The following COL28A1 variants were observed in gnomAD, a reference collection of about 807,000 sequenced individuals.
COL28A1 encodes collagen type XXVIII alpha 1 chain, also known as collagen alpha-1(XXVIII) chain.
A neutral mutation model predicts 150.2 loss-of-function variants in COL28A1; 161 were observed. The ratio of observed to expected loss-of-function variants is 1.07; its 90% CI spans 0.94 to 1.22. COL28A1 has a LOEUF of 1.22. Ranked by LOEUF, COL28A1 falls within the 50% of genes most tolerant of loss-of-function variation. The probability of loss-of-function intolerance (pLI) is 0.00; values close to 1 mark genes in which losing one functional copy is unlikely to be tolerated. For missense variants in COL28A1, 1,617 were observed against 1,388.3 expected, an observed-to-expected ratio of 1.16 and a Z score of -2.62; for synonymous variants, 552 against 469.7, an observed-to-expected ratio of 1.18 and a Z score of -2.26.
At position 7,484,261 on chromosome 7, in the gene COL28A1, C is replaced by T. The variant is rs181995787; in HGVS notation, c.1164+5128G>A. Among the ~76,000 whole-genome samples the T allele has an allele frequency of 2.1e-3, 313 of 151,946 alleles. 3 individuals carry two copies. Among genetic ancestry groups the T allele is most frequent in the Non-Finnish European group, 3.9e-3 (266 of 67,904 alleles). ...TATAAACAGACTAAAGACATGGAAA[C>T]AGAAACCATGGTTGCCAGCAGACAA... is the stretch of plus-strand genomic sequence containing the variant. On this transcript the variant is annotated intron_variant, in intron 13 of 34. Coordinates refer to ENST00000399429, the MANE Select transcript of COL28A1 (RefSeq NM_001037763.3).
intron 15 of COL28A1, among the ~76,000 whole-genome samples, chr7:7,472,591 A>G (rs1465421953): frequency 6.6e-6 from 1 of 152,216 alleles, no homozygotes; most frequent in African/African-American, 2.4e-5. Context: ...GACAATGACC[A>G]TACTGCCAAA....
rs1325433658 is a variant in COL28A1, at chr7:7,360,532, C to T, written c.3067-4G>A. 1 of 1,590,624 alleles carries T rather than the reference C, an allele frequency of 6.3e-7. No homozygotes were observed. Among genetic ancestry groups the T allele is most frequent in the African/African-American group, 1.4e-5 (1 of 73,414 alleles). On this transcript the variant is annotated splice_region_variant and splice_polypyrimidine_tract_variant and intron_variant, in intron 33 of 34. Coordinates refer to ENST00000399429, the MANE Select transcript of COL28A1 (RefSeq NM_001037763.3). The stretch of plus-strand genomic sequence containing the variant: ...CCTGGTCTCTGGTGACACTCAACTA[C>T]ACAAAAATATTCACATTTTGTGTTT...
the COL28A1 span, among the ~76,000 whole-genome samples, chr7:7,343,625 C>T: frequency 6.6e-6 from 1 of 152,006 alleles, no homozygotes; most frequent in Non-Finnish European, 1.5e-5. Context: ...TATGTGAGTA[C>T]GTCCATTCCA....
At chr7:7,481,664 C>T (rs1409158896) in intron 13 of COL28A1, among the ~76,000 whole-genome samples, 1 of 152,138 alleles carries the variant, frequency 6.6e-6, no homozygotes, top group African/African-American at 2.4e-5. Flanking sequence ...TTATCTGAGA[C>T]ATTAACGATG....
intron 25 of COL28A1, among the ~76,000 whole-genome samples, chr7:7,429,672 A>G (rs1029835840): frequency 6.6e-6 from 1 of 152,166 alleles, no homozygotes; most frequent in Admixed American, 6.5e-5. Context: ...AGACCAGCTC[A>G]CCCTCCTAAC....
intron 1 of COL28A1, among the ~76,000 whole-genome samples, chr7:7,533,629 C>G (rs559275651): frequency 6.6e-6 from 1 of 152,204 alleles, no homozygotes; most frequent in South Asian, 2.1e-4. Context: ...AGAAACGGGA[C>G]TTAAAGCCAA....
chr7:7,421,403 T>A (rs2128308737), intron 25 of COL28A1, among the ~76,000 whole-genome samples: 1 of 152,244 alleles, frequency 6.6e-6, no homozygotes, highest in East Asian at 1.9e-4. Context: ...AGTAGCAAAT[T>A]TACTTAAAGA....
chr7:7,448,527 T>G (rs1786444392), intron 18 of COL28A1, among the ~76,000 whole-genome samples: 1 of 151,766 alleles, frequency 6.6e-6, no homozygotes, highest in Admixed American at 6.6e-5. Flanking sequence ...AATACCTACC[T>G]TCTGACCTAG....
At chr7:7,435,770 C>A (rs993339793) in intron 23 of COL28A1, among the ~76,000 whole-genome samples, 1 of 152,120 alleles carries the variant, frequency 6.6e-6, no homozygotes, top group Non-Finnish European at 1.5e-5. Flanking sequence ...TTCAAAGCTA[C>A]GTAACAACAT....
At position 7,443,519 on chromosome 7, in the gene COL28A1, T is replaced by G. The variant is rs540311967; in HGVS notation, c.1650+66A>C. On this transcript the variant is annotated intron_variant, in intron 20 of 34. Coordinates refer to ENST00000399429, the MANE Select transcript of COL28A1 (RefSeq NM_001037763.3). ...GTAAGAATAACAATCAAATTTCTTC[T>G]AAGTTGGCTCCTCAGTATGAGGACC... 10 of 1,591,868 alleles carry G rather than the reference T, an allele frequency of 6.3e-6. No individual in the cohort carries two copies. The Admixed American group carries it at 9.0e-5, about 14-fold the overall frequency.
At chr7:7,526,821 G>C (rs1782049943) in intron 3 of COL28A1, among the ~76,000 whole-genome samples, 1 of 152,040 alleles carries the variant, frequency 6.6e-6, no homozygotes, top group African/African-American at 2.4e-5. Flanking sequence ...TTTTAGTAGA[G>C]ACAGGGTTTC....
chr7:7,357,662 G>A (rs55720498), downstream of COL28A1: 113,382 of 147,116 alleles, frequency 0.77, 43,735 homozygotes, highest in East Asian at 0.88. Flanking sequence ...CTGTCTGGGG[G>A]AAAAAAAAAA....
chr7:7,449,948 C>G (rs1305362217), intron 18 of COL28A1, among the ~76,000 whole-genome samples: 2 of 151,972 alleles, frequency 1.3e-5, no homozygotes, highest in Non-Finnish European at 1.5e-5. Flanking sequence ...CAAGCCAACC[C>G]TAAAACATGT....
intron 27 of COL28A1, among the ~76,000 whole-genome samples, chr7:7,397,376 T>G (rs576604125): frequency 1.3e-5 from 2 of 152,266 alleles, no homozygotes; most frequent in East Asian, 3.9e-4. Flanking sequence ...TAATCCAGGA[T>G]AATCTCCCCA....
chr7:7,361,325 T>C (rs149182193), intron 33 of COL28A1, among the ~76,000 whole-genome samples: 1 of 152,306 alleles, frequency 6.6e-6, no homozygotes, highest in Non-Finnish European at 1.5e-5. Context: ...GCCTTTATAG[T>C]AGAATGATTT....
intron 15 of COL28A1, 145 bp from the exon 16 acceptor site, chr7:7,456,257 A>T: frequency 8.3e-7 from 1 of 1,205,420 alleles, no homozygotes; most frequent in Non-Finnish European, 1.1e-6. Context: ...ACTTTATTTT[A>T]TTCCTTTAAA....
At chr7:7,379,697 C>A (rs1781760001) in intron 30 of COL28A1, among the ~76,000 whole-genome samples, 1 of 152,120 alleles carries the variant, frequency 6.6e-6, no homozygotes, top group Non-Finnish European at 1.5e-5. Flanking sequence ...GAAACCAGTC[C>A]CTCTCCCCAC....
At chr7:7,416,404 G>C (rs190836358) in intron 27 of COL28A1, among the ~76,000 whole-genome samples, 18 of 152,292 alleles carry the variant, frequency 1.2e-4, no homozygotes, top group African/African-American at 4.1e-4. Context: ...TAACAAAGTG[G>C]AGAAAACCGG....
chr7:7,363,033 T>C (rs1044760930), intron 33 of COL28A1, among the ~76,000 whole-genome samples: 2 of 152,164 alleles, frequency 1.3e-5, no homozygotes, highest in African/African-American at 4.8e-5. Flanking sequence ...CCAAAAGTTA[T>C]TGGTAAGCTA....
Sources: allele counts gnomAD v4.1 joint callset (sites outside exome capture counted in the v4.1 genomes callset), GRCh38; gene constraint gnomAD v4.1.1; transcripts MANE v1.5; gene names NCBI Gene and HGNC (gene_info 2026-07-23, HGNC 2026-07-21).